The following EML1 variants were observed in gnomAD, a reference collection of about 807,000 sequenced individuals.
EML1 encodes the protein EMAP like 1.
EML1 carries 27 observed loss-of-function variants against 110.4 expected under a neutral mutation model. The ratio of observed to expected loss-of-function variants is 0.24; its 90% CI spans 0.18 to 0.34. The LOEUF (loss-of-function observed/expected upper bound fraction) is 0.34. Among genes scored for constraint, EML1 ranks in the 10% least tolerant of loss-of-function variants. The pLI is 1.00. For missense variants in EML1, 741 were observed against 1,030.9 expected (o/e 0.72, Z 3.85); for synonymous variants, 344 against 385.8 (o/e 0.89, Z 1.27).
At chr14:99,795,779 C>T (rs2057759293) in intron 1 of EML1, among the ~76,000 whole-genome samples, 1 of 152,178 alleles carries the variant, frequency 6.6e-6, no homozygotes, top group Non-Finnish European at 1.5e-5. Flanking sequence ...CAGCATAATA[C>T]ATGAACTCAT....
chr14:99,832,771 A>G (rs1034374893), intron 1 of EML1, among the ~76,000 whole-genome samples: 5 of 152,102 alleles, frequency 3.3e-5, no homozygotes, highest in Non-Finnish European at 7.4e-5. Flanking sequence ...CAAGTTCTTT[A>G]TCAGATATGT....
intron 1 of EML1, among the ~76,000 whole-genome samples, chr14:99,810,067 T>C (rs1418638165): frequency 3.3e-5 from 5 of 152,302 alleles, no homozygotes; most frequent in Non-Finnish European, 5.9e-5. Flanking sequence ...GCTGCTGACT[T>C]GTATCTGCGG....
At chr14:99,840,515 G>C (rs926460290) in intron 1 of EML1, among the ~76,000 whole-genome samples, 3 of 152,174 alleles carry the variant, frequency 2.0e-5, no homozygotes, top group African/African-American at 7.2e-5. Context: ...GGGACACTGG[G>C]CATGGGGACA....
At chr14:99,834,955 G>A (rs1042670219) in intron 1 of EML1, among the ~76,000 whole-genome samples, 5 of 151,920 alleles carry the variant, frequency 3.3e-5, no homozygotes, top group Non-Finnish European at 7.4e-5. Flanking sequence ...TAGTAGCTGG[G>A]ACTAGAGGTG....
intron 11 of EML1, among the ~76,000 whole-genome samples, chr14:99,909,893 C>T (rs1213819595): frequency 6.6e-6 from 1 of 152,204 alleles, no homozygotes; most frequent in Non-Finnish European, 1.5e-5. Context: ...AGGCTTGTTT[C>T]GAGGACCCCT....
intron 17 of EML1, among the ~76,000 whole-genome samples, chr14:99,922,677 C>A (rs532765656): frequency 2.0e-4 from 30 of 152,212 alleles, no homozygotes; most frequent in Middle Eastern, 3.4e-3. Context: ...TGATTATAGT[C>A]ATTCTAAAGA....
At chr14:99,907,848 C>T (rs906712191) in intron 10 of EML1, 115 bp downstream of exon 10, 8 of 878,230 alleles carry the variant, frequency 9.1e-6, no homozygotes, top group South Asian at 3.3e-5. Flanking sequence ...TTGTGTATGA[C>T]GCCTTCACCT....
At chr14:99,768,115 T>C (rs891249499), upstream of EML1, among the ~76,000 whole-genome samples, 15 of 152,254 alleles carry the variant, frequency 9.9e-5, no homozygotes, top group African/African-American at 3.6e-4. Flanking sequence ...CTCCCAGAGA[T>C]GGGGCACGGA....
chr14:99,817,996 A>G (rs1478778321), intron 1 of EML1, among the ~76,000 whole-genome samples: 1 of 152,110 alleles, frequency 6.6e-6, no homozygotes, highest in East Asian at 1.9e-4. Flanking sequence ...GTTAAAGAAG[A>G]TGGGGGAGGT....
At chr14:99,927,811 G>GTGATGGTGGTGGTGGT (rs2060265871) in intron 17 of EML1, among the ~76,000 whole-genome samples, 1 of 58,806 alleles carries the variant, frequency 1.7e-5, no homozygotes, top group Non-Finnish European at 3.1e-5. Context: ...GGGGGGGGTG[G>GTGATGGTGGTGGTGGT]GGGGGTGGTG....
chr14:99,739,102 GAC>G (rs1450716852), intron 1 of EML1, among the ~76,000 whole-genome samples: 1,631 of 114,020 alleles, frequency 0.014, 21 homozygotes, highest in African/African-American at 0.044. Context: ...GAGAGAGAGA[GAC>G]AGAGAGAGAG....
intron 2 of EML1, among the ~76,000 whole-genome samples, chr14:99,855,527 T>A (rs1482085215): frequency 2.0e-5 from 3 of 152,218 alleles, no homozygotes; most frequent in African/African-American, 7.2e-5. Context: ...CAGGGATTTT[T>A]AAAATGTAAA....
chr14:99,904,823 C>T (rs1461186023), intron 9 of EML1, among the ~76,000 whole-genome samples: 2 of 152,170 alleles, frequency 1.3e-5, no homozygotes, highest in African/African-American at 4.8e-5. Context: ...GACCAGTTTG[C>T]TGTGCTACTT....
chr14:99,840,699 G>A (rs1350769677), intron 1 of EML1, among the ~76,000 whole-genome samples: 1 of 152,160 alleles, frequency 6.6e-6, no homozygotes, highest in Non-Finnish European at 1.5e-5. Context: ...TAACCTCCGG[G>A]AATAGCACTC....
intron 1 of EML1, among the ~76,000 whole-genome samples, chr14:99,743,911 TAAAA>T (rs139924368): frequency 1.3e-5 from 2 of 152,274 alleles, no homozygotes; most frequent in East Asian, 3.9e-4. Context: ...AGCTTTAAAA[TAAAA>T]AAACAGCTAA....
chr14:99,788,769 C>G (rs1302807899), upstream of EML1, among the ~76,000 whole-genome samples: 1 of 152,192 alleles, frequency 6.6e-6, no homozygotes, highest in Non-Finnish European at 1.5e-5. Context: ...GCAGAACTTT[C>G]TCATCATTCC....
chr14:99,873,957 G>C (rs1420734157), intron 3 of EML1, among the ~76,000 whole-genome samples: 2 of 152,180 alleles, frequency 1.3e-5, no homozygotes, highest in Non-Finnish European at 2.9e-5. Flanking sequence ...AGTCGCCCCA[G>C]CTGTCAGGAC....
upstream of EML1, among the ~76,000 whole-genome samples, chr14:99,791,541 A>C (rs1483156102): frequency 6.6e-6 from 1 of 152,114 alleles, no homozygotes; most frequent in African/African-American, 2.4e-5. Context: ...CTTTCTCTCC[A>C]GTTGCTACAG....
chr14:99,887,417 G>C (rs2059498852), intron 4 of EML1, among the ~76,000 whole-genome samples: 1 of 152,076 alleles, frequency 6.6e-6, no homozygotes, highest in South Asian at 2.1e-4. Context: ...TTCTGTCATG[G>C]GCTTCAGGGG....
Sources: gnomAD v4.1 joint callset for allele counts (sites outside exome capture counted in the v4.1 genomes callset) on GRCh38, gnomAD v4.1.1 for gene constraint, MANE v1.5 for transcripts, NCBI Gene and HGNC (gene_info 2026-07-23, HGNC 2026-07-21) for gene names.